The following UBR2 variants were observed in gnomAD, a reference collection of about 807,000 sequenced individuals.
UBR2 encodes the protein ubiquitin protein ligase E3 component n-recognin 2, also known as E3 ubiquitin-protein ligase UBR2.
Under a neutral mutation model 247.9 loss-of-function variants are expected in UBR2, and 92 were observed. That is an observed-to-expected ratio of 0.37 (90% CI 0.31 to 0.44). UBR2 has a LOEUF of 0.44. UBR2 is among the 20% of genes least tolerant of loss of function. The pLI is 1.00. For missense variants in UBR2, 1,613 were observed against 2,112.6 expected (o/e 0.76, Z 4.64); for synonymous variants, 672 against 693.5 (o/e 0.97, Z 0.49).
chr6:42,648,197 T>C lies in UBR2; in HGVS notation c.2462+27T>C, dbSNP rs770704616. Reference sequence around the variant, plus strand: ...TGAGTTTACTTCCTATTATTTCACATTCTTTTTTACTTTTCCAGTACATTC... The same window carrying C: ...TGAGTTTACTTCCTATTATTTCACACTCTTTTTTACTTTTCCAGTACATTC... On this transcript the variant is annotated intron_variant, in intron 22 of 46. Coordinates refer to ENST00000372901, the MANE Select transcript of UBR2 (RefSeq NM_001363705.2). 2.5e-6 allele frequency: 4 copies of C among 1,600,492 alleles called. No homozygotes were observed. In the East Asian group the frequency reaches 6.7e-5, roughly 27 times the overall value.
intron 42 of UBR2, among the ~76,000 whole-genome samples, chr6:42,681,309 A>G (rs1472624740): frequency 6.6e-6 from 1 of 152,084 alleles, no homozygotes; most frequent in East Asian, 1.9e-4. Context: ...GGTCGAGGCT[A>G]CAGTGAGCTG....
At chr6:42,655,825 A>G in intron 26 of UBR2, 102 bp downstream of exon 26, 1 of 667,382 alleles carries the variant, frequency 1.5e-6, no homozygotes, top group Non-Finnish European at 2.3e-6. Context: ...TAAAAGGGTA[A>G]TATTTAATCC....
At chr6:42,670,457 A>G (rs1403156413) in intron 35 of UBR2, among the ~76,000 whole-genome samples, 1 of 152,244 alleles carries the variant, frequency 6.6e-6, no homozygotes, top group African/African-American at 2.4e-5. Flanking sequence ...GGTGGTGGTT[A>G]TAGCTTCTTG....
At chr6:42,642,605 A>G (rs916698163) in intron 18 of UBR2, 124 bp downstream of exon 18, 17 of 714,736 alleles carry the variant, frequency 2.4e-5, no homozygotes, top group Non-Finnish European at 3.6e-5. Context: ...CTGTCTCCTC[A>G]GCTCCAAACT....
At position 42,614,206 on chromosome 6, in the gene UBR2, CTA is replaced by C. The variant is rs1476805182; in HGVS notation, c.986-854_986-853del. On this transcript the variant is annotated intron_variant, in intron 8 of 46. Transcript: ENST00000372901. ...AAAAAAAAAAAAAAAAAAAAAAAAACTATATATATATACACACACACACACAC... is the reference window on the plus strand; with the variant it reads ...AAAAAAAAAAAAAAAAAAAAAAAAACTATATATATACACACACACACACAC... Among the ~76,000 whole-genome samples the C allele has an allele frequency of 3.4e-3, 86 of 25,180 alleles. 5 individuals carry two copies. Among genetic ancestry groups the C allele is most frequent in the South Asian group, 0.011 (7 of 640 alleles). The allele number at this position is 25,180 out of a possible 152,430, so 16.5% of individuals were successfully genotyped here.
At position 42,652,635 on chromosome 6, in the gene UBR2, T is replaced by A. The variant is rs1350828918; in HGVS notation, c.2759T>A (p.Met920Lys). 3 of 1,610,824 alleles carry A rather than the reference T, an allele frequency of 1.9e-6. No individual in the cohort carries two copies. The change falls in exon 25 of 47, where the codon ATG becomes AAG. Residue 920 changes from methionine to lysine, a missense_variant. By Grantham distance (95) the Met-to-Lys change is moderately conservative. Transcript: ENST00000372901. ...AATGGATATGCCTGGTCAGAGTCCA[T>A]GCTGCAAAGGGTAGGTTTGAAGACA... ...EHNGYAWSES[M>K]LQRVLHLIGM...
At chr6:42,615,213 AC>A in intron 9 of UBR2, 35 bp downstream of exon 9, 1 of 1,521,044 alleles carries the variant, frequency 6.6e-7, no homozygotes. Flanking sequence ...GTGTAGAGGA[AC>A]CTATATAAGT....
At chr6:42,582,864 TAAAAAA>T (rs34503582) in intron 2 of UBR2, among the ~76,000 whole-genome samples, 1 of 151,356 alleles carries the variant, frequency 6.6e-6, no homozygotes, top group Non-Finnish European at 1.5e-5. Context: ...TTTTTAAAAT[TAAAAAA>T]AAAGTCAGTG....
chr6:42,635,375 A>G (rs750118015), intron 13 of UBR2, 43 bp from the exon 14 acceptor site: 1 of 1,575,338 alleles, frequency 6.3e-7, no homozygotes, highest in East Asian at 2.3e-5. Flanking sequence ...TAAAAGAACA[A>G]CTATTATTTT....
At chr6:42,632,068 AAATATAT>A (rs1562333654) in intron 11 of UBR2, among the ~76,000 whole-genome samples, 1 of 109,084 alleles carries the variant, frequency 9.2e-6, no homozygotes, top group East Asian at 3.1e-4. Context: ...AAAAAAAAAA[AAATATAT>A]ATATATATAT....
chr6:42,607,819 G>A (rs1050998463), intron 7 of UBR2, among the ~76,000 whole-genome samples: 5 of 146,132 alleles, frequency 3.4e-5, no homozygotes, highest in African/African-American at 1.0e-4. Flanking sequence ...ATTCTTGTGC[G>A]TTCCTTTATA....
chr6:42,686,479 T>G (rs1305148580), intron 44 of UBR2, among the ~76,000 whole-genome samples: 1 of 151,890 alleles, frequency 6.6e-6, no homozygotes, highest in Non-Finnish European at 1.5e-5. Context: ...GTCTACTTCT[T>G]TCTACACAGA....
At chr6:42,670,792 C>A in intron 36 of UBR2, 77 bp downstream of exon 36, 1 of 1,121,696 alleles carries the variant, frequency 8.9e-7, no homozygotes, top group Non-Finnish European at 1.3e-6. Context: ...ATCTTATGGA[C>A]CTGCAGTAGT....
At chr6:42,584,316 T>TA (rs1023247870) in intron 2 of UBR2, among the ~76,000 whole-genome samples, 1 of 152,152 alleles carries the variant, frequency 6.6e-6, no homozygotes, top group Non-Finnish European at 1.5e-5. Flanking sequence ...TGATATCTTA[T>TA]AAAAAATCAC....
Position 42,659,637 on chromosome 6 carries a change from C to G in UBR2, c.3243-19C>G, listed in dbSNP as rs1375275688. 2.5e-6 allele frequency: 4 copies of G among 1,605,782 alleles called. No individual in the cohort carries two copies. The highest frequency in any genetic ancestry group is 2.6e-6 in the Non-Finnish European group (3 of 1,175,208). On this transcript the variant is annotated intron_variant, in intron 29 of 46. Coordinates refer to ENST00000372901, the MANE Select transcript of UBR2 (RefSeq NM_001363705.2). This position sits in a 1 kb window ranked among gnomAD's most constrained non-coding sequence, Gnocchi z 4.3. ...AAGTTTTGGGATCATTAATTATATT[C>G]ATAACCTTTGTATTGCAGCCCTGTG... is the stretch of plus-strand genomic sequence containing the variant.
chr6:42,603,870 G>T (rs1793535983), intron 5 of UBR2, 152 bp downstream of exon 5: 1 of 839,116 alleles, frequency 1.2e-6, no homozygotes, highest in Non-Finnish European at 1.7e-6. Context: ...CCATTTAATT[G>T]GTGGAGATTT....
intron 4 of UBR2, among the ~76,000 whole-genome samples, chr6:42,595,037 G>A (rs1792880108): frequency 6.6e-6 from 1 of 151,848 alleles, no homozygotes; most frequent in African/African-American, 2.4e-5. Flanking sequence ...ATATTTATGG[G>A]GTACAGCGTG....
chr6:42,646,306 A>G (rs1315785045), intron 21 of UBR2, among the ~76,000 whole-genome samples: 5 of 152,178 alleles, frequency 3.3e-5, no homozygotes, highest in Non-Finnish European at 5.9e-5. Flanking sequence ...ATTTCAACCT[A>G]TCTTATCTTT....
At chr6:42,572,415 C>G (rs1317337961) in intron 1 of UBR2, among the ~76,000 whole-genome samples, 2 of 150,184 alleles carry the variant, frequency 1.3e-5, no homozygotes, top group African/African-American at 4.9e-5. Flanking sequence ...AAATGAAGAC[C>G]TTATGTTGAC....
Sources: allele counts gnomAD v4.1 joint callset (sites outside exome capture counted in the v4.1 genomes callset), GRCh38; gene constraint gnomAD v4.1.1; non-coding constraint Gnocchi (gnomAD v3.1); transcripts MANE v1.5; gene names NCBI Gene and HGNC (gene_info 2026-07-23, HGNC 2026-07-21).